The following PPP1R17 variants were observed in gnomAD, a reference collection of about 807,000 sequenced individuals.
PPP1R17 encodes the protein G-substrate.
A neutral mutation model predicts 15.9 loss-of-function variants in PPP1R17; 12 were observed. The observed-to-expected ratio is 0.75, with a 90% CI of 0.48 to 1.22. The LOEUF is 1.22. Among genes scored for constraint, PPP1R17 ranks in the 50% most tolerant of loss-of-function variants. PPP1R17 has a pLI of 0.00. For synonymous variants in PPP1R17, 63 were observed against 64.5 expected, an observed-to-expected ratio of 0.98 and a Z score of 0.11; for missense variants, 211 against 187.3, an observed-to-expected ratio of 1.13 and a Z score of -0.74.
Position 31,692,533 on chromosome 7 carries a change from T to C in PPP1R17, c.82+10T>C. ...CGTTGCAGCCACTTAGGTAAACAAA[T>C]GATCGATTGTGAATGTCAGTGGTGG... On this transcript the variant is annotated intron_variant, in intron 2 of 4. Transcript: ENST00000342032. 2 of 1,579,540 alleles carry C rather than the reference T, an allele frequency of 1.3e-6. No homozygotes were observed. The highest frequency in any genetic ancestry group is 1.7e-6 in the Non-Finnish European group (2 of 1,148,926).
intron 4 of PPP1R17, among the ~76,000 whole-genome samples, chr7:31,706,129 C>T (rs954087503): frequency 1.3e-5 from 2 of 150,294 alleles, no homozygotes; most frequent in Non-Finnish European, 3.0e-5. Flanking sequence ...CTCAGCCTCC[C>T]GAGTAGTCAG....
chr7:31,695,555 G>C lies in PPP1R17; in HGVS notation c.169G>C (p.Glu57Gln). 3 of 1,613,876 alleles carry C rather than the reference G, an allele frequency of 1.9e-6. No individual in the cohort carries two copies. The highest frequency in any genetic ancestry group is 1.7e-6 in the Non-Finnish European group (2 of 1,179,952). ...GKNVQATLNV[E>Q]SDQKKPRRKD... ...AAATGTACAGGCCACCCTGAATGTT[G>C]AGTCAGACCAAAAAAAACCAAGGAG... is the stretch of plus-strand genomic sequence containing the variant. The change falls in exon 3 of 5, where the codon GAG becomes CAG. Residue 57 changes from glutamate to glutamine, a missense_variant. Coordinates refer to ENST00000342032, the MANE Select transcript of PPP1R17 (RefSeq NM_006658.5).
chr7:31,697,147 G>T lies in PPP1R17; in HGVS notation c.388+30G>T, dbSNP rs770306143. 5.6e-6 allele frequency: 9 copies of T among 1,610,896 alleles called. No individual in the cohort carries two copies. In the South Asian group the frequency reaches 9.9e-5, roughly 18 times the overall value. The stretch of plus-strand genomic sequence containing the variant: ...AAAAGCTGGTGCAGGGCATTTGCAG[G>T]GGGTGATGGGGACAGGTCAAGAACC... On this transcript the variant is annotated intron_variant, in intron 4 of 4. Transcript: ENST00000342032.
intron 4 of PPP1R17, among the ~76,000 whole-genome samples, chr7:31,703,781 G>C (rs549251080): frequency 1.3e-5 from 2 of 152,286 alleles, no homozygotes; most frequent in African/African-American, 4.8e-5. Flanking sequence ...ACTGGACAAG[G>C]ATCCAGTCTC....
intron 4 of PPP1R17, among the ~76,000 whole-genome samples, chr7:31,701,687 G>A (rs995857004): frequency 2.6e-5 from 4 of 152,200 alleles, no homozygotes; most frequent in Non-Finnish European, 5.9e-5. Context: ...GTCATCTTGA[G>A]AGATTGCCAC....
chr7:31,698,139 C>A (rs1436217101), intron 4 of PPP1R17, among the ~76,000 whole-genome samples: 7 of 152,172 alleles, frequency 4.6e-5, no homozygotes, highest in Non-Finnish European at 1.0e-4. Context: ...AGAAGAAACA[C>A]TCTGGGGAGA....
intron 1 of PPP1R17, among the ~76,000 whole-genome samples, chr7:31,690,613 T>C (rs1015714439): frequency 1.3e-5 from 2 of 152,214 alleles, no homozygotes; most frequent in Admixed American, 6.5e-5. Flanking sequence ...AGATTTAAAC[T>C]AGGTCTATTT....
chr7:31,690,801 T>C (rs34165), intron 1 of PPP1R17, among the ~76,000 whole-genome samples: 6,893 of 152,246 alleles, frequency 0.045, 486 homozygotes, highest in African/African-American at 0.15. Context: ...TTACTCTGAT[T>C]CTAAGTGTTT....
At chr7:31,706,541 T>C (rs1039033469) in intron 4 of PPP1R17, among the ~76,000 whole-genome samples, 1 of 152,198 alleles carries the variant, frequency 6.6e-6, no homozygotes, top group African/African-American at 2.4e-5. Context: ...CTCATTTTGC[T>C]CTGAACCATG....
At chr7:31,703,761 G>C (rs77489706) in intron 4 of PPP1R17, among the ~76,000 whole-genome samples, 2 of 152,186 alleles carry the variant, frequency 1.3e-5, no homozygotes, top group African/African-American at 4.8e-5. Flanking sequence ...TTAGCCCTTG[G>C]CAAGTGAAAA....
chr7:31,691,104 A>G (rs207467756), intron 1 of PPP1R17, among the ~76,000 whole-genome samples: 14 of 152,270 alleles, frequency 9.2e-5, no homozygotes, highest in African/African-American at 3.4e-4. Context: ...ACTGAAAACA[A>G]TGGTCTGAAT....
chr7:31,688,822 C>T (rs1276458185), intron 1 of PPP1R17, among the ~76,000 whole-genome samples: 1 of 152,206 alleles, frequency 6.6e-6, no homozygotes, highest in Non-Finnish European at 1.5e-5. Flanking sequence ...ACACTGAATA[C>T]CTACATTCTG....
chr7:31,696,383 A>G (rs1162417417), intron 3 of PPP1R17, among the ~76,000 whole-genome samples: 1 of 152,236 alleles, frequency 6.6e-6, no homozygotes, highest in Non-Finnish European at 1.5e-5. Flanking sequence ...AAGAAGTGAC[A>G]TCATAAGGGA....
rs573818454 is a variant in PPP1R17 at position 31,696,985 on chromosome 7, A to C, written c.256A>C (p.Ile86Leu). Residue 86 changes from isoleucine to leucine, a missense_variant, in exon 4 of 5, where the codon ATT (isoleucine) becomes CTT (leucine). By Grantham distance (5) the Ile-to-Leu change is conservative. Coordinates refer to ENST00000342032, the MANE Select transcript of PPP1R17 (RefSeq NM_006658.5). ...FIPGVFSEHL[I>L]KRYDVQERHP... is the part of the protein sequence containing the mutation. Reference sequence around the variant, plus strand: ...TGCAGGTGTGTTTTCAGAACATTTAATTAAAAGATACGATGTTCAAGAGAG... The same window carrying C: ...TGCAGGTGTGTTTTCAGAACATTTACTTAAAAGATACGATGTTCAAGAGAG... The C allele has an allele frequency of 5.2e-5, 84 of 1,613,992 alleles. 1 individual carries two copies. The Admixed American group carries it at 1.2e-3, about 23-fold the overall frequency.
intron 1 of PPP1R17, among the ~76,000 whole-genome samples, chr7:31,689,869 G>C (rs1033129980): frequency 2.6e-5 from 4 of 152,196 alleles, no homozygotes; most frequent in Non-Finnish European, 5.9e-5. Context: ...TAAAATCCCA[G>C]ATCTGGAAAT....
chr7:31,688,313 T>C (rs1191155278), intron 1 of PPP1R17, among the ~76,000 whole-genome samples: 1 of 152,240 alleles, frequency 6.6e-6, no homozygotes, highest in Non-Finnish European at 1.5e-5. Flanking sequence ...CAGCCAAACG[T>C]TGGCTTCTAC....
rs758020896 is a variant in PPP1R17 at position 31,689,736 on chromosome 7, G to T, written c.-37+2430G>T. Among the ~76,000 whole-genome samples the T allele has an allele frequency of 2.6e-5, 4 of 152,184 alleles. No homozygotes were observed. The East Asian group carries it at 5.8e-4, about 22-fold the overall frequency. On this transcript the variant is annotated intron_variant, in intron 1 of 4. Coordinates refer to ENST00000342032, the MANE Select transcript of PPP1R17 (RefSeq NM_006658.5). ...AAATGTCTTTCCCCTCCACTTGCTTGTTCTTTTCTTTGTGTGAAAATTTTC... is the reference window on the plus strand; with the variant it reads ...AAATGTCTTTCCCCTCCACTTGCTTTTTCTTTTCTTTGTGTGAAAATTTTC...
Position 31,708,051 on chromosome 7 carries a change from G to C in PPP1R17, c.*768G>C, listed in dbSNP as rs184485571. ...TATCAATGGTAGATAAAATATCAAT[G>C]TTTGTGATGAATTTACTGTAAAAAA... On this transcript the variant is annotated 3_prime_UTR_variant, in exon 5 of 5. Coordinates refer to ENST00000342032, the MANE Select transcript of PPP1R17 (RefSeq NM_006658.5). The C allele has an allele frequency of 6.6e-6, 1 of 152,344 alleles. No homozygotes were observed. Among genetic ancestry groups the C allele is most frequent in the East Asian group, 1.9e-4 (1 of 5,188 alleles). The allele number at this position is 152,344 out of a possible 1,614,324, so 9.4% of individuals were successfully genotyped here.
At position 31,688,658 on chromosome 7, in the gene PPP1R17, G is replaced by A. The variant is rs531902199; in HGVS notation, c.-37+1352G>A. On this transcript the variant is annotated intron_variant, in intron 1 of 4. Coordinates refer to ENST00000342032, the MANE Select transcript of PPP1R17 (RefSeq NM_006658.5). ...CATATTGCTGCTCTTAGTGGTATTT[G>A]CATTTACAAGTATCTCTCTGTAAAA... Among the ~76,000 whole-genome samples, 13 of 152,300 alleles carry A rather than the reference G, an allele frequency of 8.5e-5. No homozygotes were observed. The East Asian group carries it at 2.3e-3, about 27-fold the overall frequency.
Sources: allele counts gnomAD v4.1 joint callset (sites outside exome capture counted in the v4.1 genomes callset), GRCh38; gene constraint gnomAD v4.1.1; transcripts MANE v1.5; gene names NCBI Gene and HGNC (gene_info 2026-07-23, HGNC 2026-07-21).